APBA1: variants seen among roughly 807,000 people sequenced by gnomAD.
The protein encoded by APBA1 is amyloid-beta A4 precursor protein-binding family A member 1.
APBA1 carries 55 observed loss-of-function variants against 86.6 expected under a neutral mutation model. The ratio of observed to expected loss-of-function variants is 0.64; its 90% CI spans 0.51 to 0.80. APBA1 has a LOEUF of 0.80. Ranked by LOEUF, APBA1 falls within the 30% of genes least tolerant of loss-of-function variation. APBA1 has a pLI of 0.00. For missense variants in APBA1, 1,090 were observed against 1,183.0 expected (o/e 0.92, Z 1.15); for synonymous variants, 511 against 493.9 (o/e 1.03, Z -0.46).
chr9:69,578,876 T>C (rs1204137652), intron 1 of APBA1, among the ~76,000 whole-genome samples: 1 of 152,234 alleles, frequency 6.6e-6, no homozygotes, highest in Non-Finnish European at 1.5e-5. Context: ...GTGGACACCA[T>C]TGTACCCAGC....
intron 1 of APBA1, among the ~76,000 whole-genome samples, chr9:69,544,490 G>C (rs1336764767): frequency 2.0e-5 from 3 of 152,104 alleles, no homozygotes; most frequent in African/African-American, 7.2e-5. Flanking sequence ...AGAAAATAAG[G>C]GAACTAATAA....
rs185743224 is a variant in APBA1, at chr9:69,662,420, G to C, written c.-70+9733C>G. Among the ~76,000 whole-genome samples, 17 of 152,240 alleles carry C rather than the reference G, an allele frequency of 1.1e-4. No homozygotes were observed. The East Asian group carries it at 3.1e-3, about 28-fold the overall frequency. ...GGAATCTGCTGAGCTTTTAAAAAAG[G>C]AATTTATGTGTACTTTGATAGCTAG... On this transcript the variant is annotated intron_variant, in intron 1 of 12. Transcript: ENST00000265381.
chr9:69,604,683 T>TGC (rs1822432648), intron 1 of APBA1, among the ~76,000 whole-genome samples: 1 of 116,610 alleles, frequency 8.6e-6, no homozygotes, highest in African/African-American at 3.9e-5. Context: ...CATATGAGCA[T>TGC]GGGCACACAT....
At position 69,516,988 on chromosome 9, in the gene APBA1, G is replaced by A. The variant is rs201425085; in HGVS notation, c.223C>T (p.Leu75=). ...GQEEEERGEC[L]ARSASTESGF... ...CTCTCCGTGCTGGCTGAGCGCGCCA[G>A]GCATTCCCCGCGCTCCTCTTCCTCC... is the stretch of plus-strand genomic sequence containing the variant. Residue 75 remains leucine (L), a synonymous_variant, in exon 2 of 13, where the codon CTG becomes TTG. Coordinates refer to ENST00000265381, the MANE Select transcript of APBA1 (RefSeq NM_001163.4). This position sits in a 1 kb window ranked among gnomAD's most constrained non-coding sequence, Gnocchi z 7.3. The A allele has an allele frequency of 1.3e-6, 2 of 1,584,708 alleles. No individual in the cohort carries two copies. The highest frequency in any genetic ancestry group is 2.3e-5 in the East Asian group (1 of 44,342).
rs1215092795 is a variant in APBA1, at chr9:69,593,257, C to T, written c.-69-75978G>A. 2.0e-5 allele frequency among the ~76,000 whole-genome samples: 3 copies of T among 152,068 alleles called. No homozygotes were observed. In the East Asian group the frequency reaches 5.8e-4, roughly 29 times the overall value. On this transcript the variant is annotated intron_variant, in intron 1 of 12. Coordinates refer to ENST00000265381, the MANE Select transcript of APBA1 (RefSeq NM_001163.4). ...ATATTTGGAGGCTGATATAAATACA[C>T]TTGTGCTTATCTGTGTCTAGTTATT...
At chr9:69,455,011 G>A (rs911277283) in intron 8 of APBA1, among the ~76,000 whole-genome samples, 6 of 152,156 alleles carry the variant, frequency 3.9e-5, no homozygotes, top group African/African-American at 1.4e-4. Context: ...AAAAGATGGT[G>A]ACAGTAAGTG....
At chr9:69,561,003 A>G (rs984234258) in intron 1 of APBA1, among the ~76,000 whole-genome samples, 2 of 152,250 alleles carry the variant, frequency 1.3e-5, no homozygotes, top group African/African-American at 4.8e-5. Context: ...AGAAGGAAGT[A>G]AACTGAATAA....
intron 11 of APBA1, among the ~76,000 whole-genome samples, chr9:69,437,249 G>T (rs948110749): frequency 5.3e-5 from 8 of 151,538 alleles, no homozygotes; most frequent in Admixed American, 4.6e-4. Flanking sequence ...TTTTTTGGTT[G>T]TGTCTCTGCC....
At chr9:69,540,227 C>T (rs1643992920) in intron 1 of APBA1, among the ~76,000 whole-genome samples, 1 of 152,104 alleles carries the variant, frequency 6.6e-6, no homozygotes, top group South Asian at 2.1e-4. Flanking sequence ...TATCTGCTTA[C>T]TTTTTCTTCA....
intron 1 of APBA1, among the ~76,000 whole-genome samples, chr9:69,543,627 A>T (rs2133920754): frequency 6.6e-6 from 1 of 152,306 alleles, no homozygotes; most frequent in African/African-American, 2.4e-5. Flanking sequence ...TTTAACCCTT[A>T]TAAGAACTCT....
At chr9:69,540,788 T>G (rs1836595647) in intron 1 of APBA1, among the ~76,000 whole-genome samples, 1 of 152,056 alleles carries the variant, frequency 6.6e-6, no homozygotes, top group Non-Finnish European at 1.5e-5. Flanking sequence ...TTGTAGAGAC[T>G]GGGTCTCGCC....
rs879769111 is a variant in APBA1, at chr9:69,543,289, C to A, written c.-69-26010G>T. On this transcript the variant is annotated intron_variant, in intron 1 of 12. Transcript: ENST00000265381. ...TGTGCTGGGATTTCCCCCCCCCCCC[C>A]CCGGCCTGTCCTCCACAGCCTGCAC... 7.9e-4 allele frequency among the ~76,000 whole-genome samples: 97 copies of A among 122,592 alleles called. 1 individual carries two copies. Among genetic ancestry groups the A allele is most frequent in the Non-Finnish European group, 1.4e-3 (79 of 55,558 alleles). The allele number at this position is 122,592 out of a possible 152,430, so 80.4% of individuals were successfully genotyped here.
At chr9:69,449,336 T>C (rs1023557088) in intron 10 of APBA1, among the ~76,000 whole-genome samples, 2 of 152,210 alleles carry the variant, frequency 1.3e-5, no homozygotes, top group Non-Finnish European at 2.9e-5. Flanking sequence ...ATGGACATGC[T>C]GCTATCAGAA....
chr9:69,436,849 G>A (rs939396193), intron 11 of APBA1, among the ~76,000 whole-genome samples: 11 of 151,888 alleles, frequency 7.2e-5, no homozygotes, highest in African/African-American at 2.4e-4. Context: ...TCCCTGTCTT[G>A]TGCCAGTTTT....
At chr9:69,565,843 T>G (rs780098369) in intron 1 of APBA1, among the ~76,000 whole-genome samples, 21 of 152,230 alleles carry the variant, frequency 1.4e-4, no homozygotes, top group Non-Finnish European at 2.6e-4. Flanking sequence ...TTCTGCACTC[T>G]GCAGCCAGAG....
intron 1 of APBA1, among the ~76,000 whole-genome samples, chr9:69,634,041 T>C (rs564751738): frequency 1.3e-5 from 2 of 152,218 alleles, no homozygotes; most frequent in African/African-American, 4.8e-5. Context: ...TGAACAACTA[T>C]CCACACAATA....
At chr9:69,657,470 G>A (rs1823635385) in intron 1 of APBA1, among the ~76,000 whole-genome samples, 1 of 152,190 alleles carries the variant, frequency 6.6e-6, no homozygotes, top group Non-Finnish European at 1.5e-5. Context: ...ATTGACCTGT[G>A]TCTAGTGTTA....
At chr9:69,664,159 T>C (rs1020723488) in intron 1 of APBA1, among the ~76,000 whole-genome samples, 4 of 152,160 alleles carry the variant, frequency 2.6e-5, no homozygotes, top group African/African-American at 9.7e-5. Context: ...CAACACAAGA[T>C]AGGGATACTT....
At chr9:69,658,172 C>T (rs1449468354) in intron 1 of APBA1, among the ~76,000 whole-genome samples, 1 of 152,166 alleles carries the variant, frequency 6.6e-6, no homozygotes, top group Non-Finnish European at 1.5e-5. Flanking sequence ...CTTGGTTACC[C>T]TGTAGAGAGG....
Sources: gnomAD v4.1 joint callset for allele counts (sites outside exome capture counted in the v4.1 genomes callset) on GRCh38, gnomAD v4.1.1 for gene constraint, Gnocchi (gnomAD v3.1) non-coding constraint, MANE v1.5 for transcripts, NCBI Gene and HGNC (gene_info 2026-07-23, HGNC 2026-07-21) for gene names.